Variants in TSHZ1 observed in about 807,000 individuals in gnomAD.
TSHZ1 encodes teashirt homolog 1.
In TSHZ1, 12 loss-of-function variants were observed where a neutral mutation model predicts 67.1. The observed-to-expected ratio is 0.18, with a 90% CI of 0.11 to 0.29. TSHZ1 has a LOEUF of 0.29. TSHZ1 is among the 10% of genes least tolerant of loss of function. TSHZ1 has a pLI of 1.00. For missense variants in TSHZ1, 1,305 were observed against 1,413.9 expected, an observed-to-expected ratio of 0.92 and a Z score of 1.23; for synonymous variants, 632 against 622.4, an observed-to-expected ratio of 1.02 and a Z score of -0.23.
chr18:75,282,011 C>T (rs530524854), intron 1 of TSHZ1, among the ~76,000 whole-genome samples: 9 of 152,272 alleles, frequency 5.9e-5, no homozygotes, highest in South Asian at 2.1e-4. Context: ...CCTCCTTCGA[C>T]GTCCGCACTC....
At chr18:75,259,456 C>A (rs759555706) in intron 1 of TSHZ1, among the ~76,000 whole-genome samples, 1 of 152,096 alleles carries the variant, frequency 6.6e-6, no homozygotes, top group Non-Finnish European at 1.5e-5. Context: ...CTACACGGTC[C>A]CTCCTAGGAC....
intron 1 of TSHZ1, among the ~76,000 whole-genome samples, chr18:75,243,386 G>A (rs2023181885): frequency 6.6e-6 from 1 of 152,180 alleles, no homozygotes; most frequent in Non-Finnish European, 1.5e-5. Context: ...GAGCTTGCAA[G>A]TCTTGTTGGG....
At chr18:75,282,798 T>G (rs569049636) in intron 1 of TSHZ1, 1 of 152,366 alleles carries the variant, frequency 6.6e-6, no homozygotes, top group East Asian at 1.9e-4. Context: ...TAGCCCAAGC[T>G]GACGAACACA....
rs565793142 is a variant in TSHZ1, at chr18:75,230,745, G to A, written c.40+18829G>A. On this transcript the variant is annotated intron_variant, in intron 1 of 1. Transcript: ENST00000580243. The stretch of plus-strand genomic sequence containing the variant: ...CTTCCCCGATTCCCCTGACTTCCCC[G>A]TGATTTGTGGAAGTGGTGCGAACCC... Among the ~76,000 whole-genome samples, 4 of 152,276 alleles carry A rather than the reference G, an allele frequency of 2.6e-5. No homozygotes were observed. The South Asian group carries it at 6.2e-4, about 24-fold the overall frequency.
At position 75,211,838 on chromosome 18, in the gene TSHZ1, C is replaced by T. The variant is rs1459484610; in HGVS notation, c.-39C>T. 24 of 1,131,256 alleles carry T rather than the reference C, an allele frequency of 2.1e-5. No individual in the cohort carries two copies. Among genetic ancestry groups the T allele is most frequent in the Non-Finnish European group, 2.6e-5 (24 of 924,116 alleles). The allele number at this position is 1,131,256 out of a possible 1,614,324, so 70.1% of individuals were successfully genotyped here. A position where few individuals can be genotyped will look rare whatever the true frequency, so the allele number is the denominator to read the frequency against. ...CCGCGTCCCCGCGCCCCGCGAACTC[C>T]GGCGGCGGCTGAGGCGACGGCTGCG... On this transcript the variant is annotated 5_prime_UTR_variant, in exon 1 of 2. Transcript: ENST00000580243.
chr18:75,277,102 G>T (rs1047820349), intron 1 of TSHZ1, among the ~76,000 whole-genome samples: 1 of 152,188 alleles, frequency 6.6e-6, no homozygotes, highest in Non-Finnish European at 1.5e-5. Flanking sequence ...CCTCTGAAAG[G>T]CAGGCACGGG....
chr18:75,254,654 T>C (rs1452458147), intron 1 of TSHZ1, among the ~76,000 whole-genome samples: 1 of 152,072 alleles, frequency 6.6e-6, no homozygotes, highest in Admixed American at 6.5e-5. Context: ...GATGACCTAA[T>C]AGTAAGCAAG....
At chr18:75,246,049 C>T (rs1431469311) in intron 1 of TSHZ1, among the ~76,000 whole-genome samples, 4 of 152,204 alleles carry the variant, frequency 2.6e-5, no homozygotes, top group Non-Finnish European at 5.9e-5. Flanking sequence ...CCCTTCCAGG[C>T]ACGTCACCAG....
At position 75,231,251 on chromosome 18, in the gene TSHZ1, G is replaced by C. The variant is rs113327850; in HGVS notation, c.40+19335G>C. On this transcript the variant is annotated intron_variant, in intron 1 of 1. Transcript: ENST00000580243. ...GCTGAGATCTCAGGCTGCTGTGCTGGCAGGGGCAGCTCAGGCGGGTGTGGC... is the reference window on the plus strand; with the variant it reads ...GCTGAGATCTCAGGCTGCTGTGCTGCCAGGGGCAGCTCAGGCGGGTGTGGC... Among the ~76,000 whole-genome samples the C allele has an allele frequency of 5.1e-4, 78 of 152,344 alleles. 1 individual carries two copies. Among genetic ancestry groups the C allele is most frequent in the African/African-American group, 1.8e-3 (74 of 41,586 alleles).
At chr18:75,263,520 A>G (rs2023454369) in intron 1 of TSHZ1, among the ~76,000 whole-genome samples, 1 of 152,192 alleles carries the variant, frequency 6.6e-6, no homozygotes, top group South Asian at 2.1e-4. Flanking sequence ...TAACATAATT[A>G]AATTATGTAC....
chr18:75,286,632 G>A lies in TSHZ1; in HGVS notation c.1225G>A (p.Glu409Lys), dbSNP rs1158063890. 3 of 1,614,122 alleles carry A rather than the reference G, an allele frequency of 1.9e-6. No homozygotes were observed. Among genetic ancestry groups the A allele is most frequent in the Non-Finnish European group, 2.5e-6 (3 of 1,180,050 alleles). ...QNGASYTWQF[E>K]ARKAQILKCM... is the part of the protein sequence containing the mutation. Reference sequence around the variant, plus strand: ...TGGCGCCAGCTACACCTGGCAGTTTGAGGCCCGCAAGGCGCAGATCCTCAA... The same window carrying A: ...TGGCGCCAGCTACACCTGGCAGTTTAAGGCCCGCAAGGCGCAGATCCTCAA... The change falls in exon 2 of 2, where the codon GAG becomes AAG. Residue 409 changes from glutamate to lysine, a missense_variant. Coordinates refer to ENST00000580243, the MANE Select transcript of TSHZ1 (RefSeq NM_001308210.2). The surrounding 1 kb of genome is among the most constrained non-coding windows in gnomAD (Gnocchi z 5.1).
Position 75,287,028 on chromosome 18 carries a change from C to G in TSHZ1, c.1621C>G (p.Leu541Val), listed in dbSNP as rs1464655347. 1 of 1,614,024 alleles carries G rather than the reference C, an allele frequency of 6.2e-7. No individual in the cohort carries two copies. Among genetic ancestry groups the G allele is most frequent in the Non-Finnish European group, 8.5e-7 (1 of 1,180,008 alleles). Residue 541 changes from leucine (L) to valine (V), a missense_variant, in exon 2 of 2, where the codon CTG (leucine) becomes GTG (valine). This residue lies in a region of TSHZ1 where 909 missense variants were observed against 961.8 expected (regional missense o/e 0.95). Coordinates refer to ENST00000580243, the MANE Select transcript of TSHZ1 (RefSeq NM_001308210.2). The surrounding 1 kb of genome is among the most constrained non-coding windows in gnomAD (Gnocchi z 5.0). ...TLYPYLREED[L>V]DDSPKGGLDI... Reference sequence around the variant, plus strand: ...GTACCCGTACCTGCGTGAGGAGGACCTGGACGACAGCCCCAAGGGAGGGCT... The same window carrying G: ...GTACCCGTACCTGCGTGAGGAGGACGTGGACGACAGCCCCAAGGGAGGGCT...
chr18:75,243,416 A>G (rs1319300481), intron 1 of TSHZ1, among the ~76,000 whole-genome samples: 3 of 151,824 alleles, frequency 2.0e-5, no homozygotes, highest in African/African-American at 7.3e-5. Context: ...GCGTGTGTAT[A>G]CCTCTCTTAA....
chr18:75,212,015 C>T (rs1340917667), intron 1 of TSHZ1, 99 bp downstream of exon 1: 2 of 984,982 alleles, frequency 2.0e-6, no homozygotes, highest in Non-Finnish European at 1.3e-6. Flanking sequence ...CCGCGGGCCG[C>T]CCCAAGCTGG....
chr18:75,250,469 G>A (rs2023286416), intron 1 of TSHZ1, among the ~76,000 whole-genome samples: 1 of 152,216 alleles, frequency 6.6e-6, no homozygotes, highest in Non-Finnish European at 1.5e-5. Flanking sequence ...CAGGGTGGGC[G>A]CAAGCCCTCC....
At chr18:75,233,746 C>T (rs1271202949) in intron 1 of TSHZ1, among the ~76,000 whole-genome samples, 1 of 152,104 alleles carries the variant, frequency 6.6e-6, no homozygotes, top group Non-Finnish European at 1.5e-5. Flanking sequence ...CGTGGGGCTT[C>T]CTCACACTTT....
intron 1 of TSHZ1, among the ~76,000 whole-genome samples, chr18:75,277,622 G>C (rs564261806): frequency 3.3e-5 from 5 of 152,196 alleles, no homozygotes; most frequent in Non-Finnish European, 5.9e-5. Flanking sequence ...GTGGTAGAAG[G>C]GGCAAGCCAG....
chr18:75,262,266 TAAA>T (rs2023439313), intron 1 of TSHZ1, among the ~76,000 whole-genome samples: 1 of 152,126 alleles, frequency 6.6e-6, no homozygotes. Context: ...AGTGATACTA[TAAA>T]AAATACAAAA....
rs1397057769 is a variant in TSHZ1 at position 75,281,776 on chromosome 18, G to A, written c.41-3672G>A. Among the ~76,000 whole-genome samples, 1 of 152,132 alleles carries A rather than the reference G, an allele frequency of 6.6e-6. No individual in the cohort carries two copies. Among genetic ancestry groups the A allele is most frequent in the Non-Finnish European group, 1.5e-5 (1 of 68,008 alleles). On this transcript the variant is annotated intron_variant, in intron 1 of 1. Transcript: ENST00000580243. This position sits in a 1 kb window ranked among gnomAD's most constrained non-coding sequence, Gnocchi z 5.3. ...GCTGCTCATGGGTGCAACCGGGTGG[G>A]GAGTGAGAAGTTGCCTCCAGATGGC...
Sources: gnomAD v4.1 joint callset for allele counts (sites outside exome capture counted in the v4.1 genomes callset) on GRCh38, gnomAD v4.1.1 for gene constraint, gnomAD v4.1.1 regional missense constraint, Gnocchi (gnomAD v3.1) non-coding constraint, MANE v1.5 for transcripts, NCBI Gene and HGNC (gene_info 2026-07-23, HGNC 2026-07-21) for gene names.